RMST: variants seen among roughly 807,000 people sequenced by gnomAD.
RMST encodes the protein rhabdomyosarcoma 2 associated transcript.
rs1221279408 is a variant in RMST, at chr12:97,482,710, TA to T, written n.645-9750del. 3.1e-4 allele frequency among the ~76,000 whole-genome samples: 15 copies of T among 48,802 alleles called. 3 individuals carry two copies. Among genetic ancestry groups the T allele is most frequent in the Admixed American group, 2.3e-3 (12 of 5,118 alleles). 32.0% of individuals were successfully genotyped at this position (48,802 alleles called of 152,430 possible). A position where few individuals can be genotyped will look rare whatever the true frequency, so the allele number is the denominator to read the frequency against. On this transcript the variant is annotated intron_variant and non_coding_transcript_variant, in intron 5 of 13. Transcript: ENST00000640149. ...TTATTATTTATTTAATAAATAAATT[TA>T]TATTATTTATTTATTAAATAAATTT...
intron 11 of RMST, among the ~76,000 whole-genome samples, chr12:97,540,308 C>T (rs752648797): frequency 2.6e-5 from 4 of 151,656 alleles, no homozygotes; most frequent in East Asian, 1.9e-4. Flanking sequence ...CTATATTTCA[C>T]GATCAGTGTG....
intron 10 of RMST, among the ~76,000 whole-genome samples, chr12:97,501,688 A>G (rs1489649340): frequency 6.6e-6 from 1 of 152,182 alleles, no homozygotes; most frequent in Non-Finnish European, 1.5e-5. Context: ...TCCCCTTTTC[A>G]GCATTTGTCA....
intron 4 of RMST, chr12:97,465,636 A>C (rs1343457040): frequency 6.6e-6 from 1 of 152,056 alleles, no homozygotes; most frequent in Non-Finnish European, 1.5e-5. Context: ...TTTTTAAGTA[A>C]TATGCTAATA....
chr12:97,563,946 T>C (rs767903998), intron 13 of RMST: 12 of 477,350 alleles, frequency 2.5e-5, no homozygotes, highest in Admixed American at 2.0e-4. Context: ...TAGAGAACGT[T>C]AGCCTGTGGA....
At chr12:97,521,567 C>T (rs912335224) in intron 10 of RMST, among the ~76,000 whole-genome samples, 51 of 152,126 alleles carry the variant, frequency 3.4e-4, no homozygotes, top group African/African-American at 1.1e-3. Flanking sequence ...TATAATACTG[C>T]TGTTTTAAAA....
intron 4 of RMST, chr12:97,464,749 T>C (rs1299741690): frequency 1.3e-5 from 2 of 152,224 alleles, no homozygotes; most frequent in African/African-American, 4.8e-5. Context: ...TTTTGGGGAC[T>C]TAGCAGTCTT....
At chr12:97,535,888 A>G (rs992060831) in intron 11 of RMST, among the ~76,000 whole-genome samples, 2 of 151,634 alleles carry the variant, frequency 1.3e-5, no homozygotes, top group Admixed American at 6.6e-5. Flanking sequence ...GGCTTATTTC[A>G]TAGACAGAAG....
At chr12:97,543,037 T>C (rs896207671) in intron 11 of RMST, among the ~76,000 whole-genome samples, 3 of 152,044 alleles carry the variant, frequency 2.0e-5, no homozygotes, top group African/African-American at 7.2e-5. Flanking sequence ...ATCCTCGTGG[T>C]GCATTCAAGT....
intron 10 of RMST, among the ~76,000 whole-genome samples, chr12:97,510,495 T>C (rs1879161589): frequency 6.6e-6 from 1 of 152,230 alleles, no homozygotes; most frequent in Non-Finnish European, 1.5e-5. Context: ...AATACGAAAG[T>C]AAATTTTCAT....
At chr12:97,462,825 G>A (rs1872724429) in exon 3 of RMST, 1 of 152,192 alleles carries the variant, frequency 6.6e-6, no homozygotes, top group African/African-American at 2.4e-5. Flanking sequence ...GGACTGCTGG[G>A]CAGCACTAGC....
intron 5 of RMST, among the ~76,000 whole-genome samples, chr12:97,490,816 C>T (rs1488520625): frequency 6.6e-6 from 1 of 152,214 alleles, no homozygotes; most frequent in Non-Finnish European, 1.5e-5. Flanking sequence ...TGTCATGACT[C>T]CATCTGAAGT....
chr12:97,464,334 A>T (rs1872926612), intron 4 of RMST, among the ~76,000 whole-genome samples: 1 of 152,198 alleles, frequency 6.6e-6, no homozygotes, highest in Non-Finnish European at 1.5e-5. Context: ...TGTTTAAATG[A>T]GGGGGACCGA....
At chr12:97,479,450 G>A (rs1228049089) in intron 5 of RMST, among the ~76,000 whole-genome samples, 1 of 152,138 alleles carries the variant, frequency 6.6e-6, no homozygotes, top group Non-Finnish European at 1.5e-5. Context: ...ACAATGCCCA[G>A]TCTTTACTTT....
intron 8 of RMST, among the ~76,000 whole-genome samples, chr12:97,494,409 G>A (rs763312176): frequency 6.6e-6 from 1 of 152,104 alleles, no homozygotes; most frequent in African/African-American, 2.4e-5. Context: ...ATTAATCCGG[G>A]TGCAGTGACT....
chr12:97,556,177 G>A (rs1165319034), intron 11 of RMST, among the ~76,000 whole-genome samples: 4 of 152,164 alleles, frequency 2.6e-5, no homozygotes, highest in Non-Finnish European at 5.9e-5. Flanking sequence ...TTTTACCTAT[G>A]TGATTTATGC....
rs139481343 is a variant in RMST at position 97,471,147 on chromosome 12, A to C, written n.644+5420A>C. Among the ~76,000 whole-genome samples, 836 of 152,260 alleles carry C rather than the reference A, an allele frequency of 5.5e-3. 5 individuals carry two copies. Among genetic ancestry groups the C allele is most frequent in the African/African-American group, 0.019 (775 of 41,570 alleles). On this transcript the variant is annotated intron_variant and non_coding_transcript_variant, in intron 5 of 13. Coordinates refer to ENST00000640149, the Ensembl canonical transcript of RMST. ...GATATTTAAAAAAATCAAGTACTAC[A>C]TCTGACCTCTGCTGTAAGGCTGTTT...
intron 10 of RMST, among the ~76,000 whole-genome samples, chr12:97,518,392 C>T (rs373307107): frequency 6.6e-6 from 1 of 152,210 alleles, no homozygotes; most frequent in East Asian, 1.9e-4. Context: ...TTCCTGCTCT[C>T]TCAACCCTCC....
At chr12:97,478,909 A>C (rs940209857) in intron 5 of RMST, among the ~76,000 whole-genome samples, 4 of 152,066 alleles carry the variant, frequency 2.6e-5, no homozygotes, top group Non-Finnish European at 4.4e-5. Flanking sequence ...TCAAATGGAA[A>C]AGAGAAGCAG....
At chr12:97,551,997 C>T (rs1210657580) in intron 11 of RMST, 1 of 152,118 alleles carries the variant, frequency 6.6e-6, no homozygotes, top group Admixed American at 6.6e-5. Flanking sequence ...AGAATCTAGT[C>T]ATAGGTTGTA....
Sources: allele counts gnomAD v4.1 joint callset (sites outside exome capture counted in the v4.1 genomes callset), GRCh38; gene constraint gnomAD v4.1.1; transcripts MANE v1.5; gene names NCBI Gene and HGNC (gene_info 2026-07-23, HGNC 2026-07-21).